Variants in CDH18 observed in about 807,000 individuals in gnomAD.
CDH18 encodes the protein cadherin-18.
CDH18 carries 31 observed loss-of-function variants against 67.9 expected under a neutral mutation model. That is an observed-to-expected ratio of 0.46 (90% CI 0.34 to 0.62). The LOEUF (loss-of-function observed/expected upper bound fraction) is 0.62, where lower values mean the gene tolerates loss of function less well. Among genes scored for constraint, CDH18 ranks in the 20% least tolerant of loss-of-function variants. CDH18 has a pLI of 0.01. For synonymous variants in CDH18, 362 were observed against 347.2 expected (o/e 1.04, Z -0.48); for missense variants, 890 against 975.5 (o/e 0.91, Z 1.17).
intron 1 of CDH18, among the ~76,000 whole-genome samples, chr5:20,301,828 T>C (rs527455389): frequency 1.0e-4 from 14 of 133,940 alleles, no homozygotes; most frequent in Admixed American, 8.8e-4. Context: ...ACATATAAAA[T>C]GTGATCTAGA....
At chr5:20,267,416 G>T (rs1160525089) in intron 1 of CDH18, among the ~76,000 whole-genome samples, 1 of 151,960 alleles carries the variant, frequency 6.6e-6, no homozygotes, top group Non-Finnish European at 1.5e-5. Context: ...GGCTATTTGG[G>T]CTAATTTTTT....
chr5:20,241,554 T>C (rs2974586), intron 2 of CDH18, among the ~76,000 whole-genome samples: 82,083 of 151,912 alleles, frequency 0.54, 22,256 homozygotes, highest in Middle Eastern at 0.66. Flanking sequence ...TATATATGTA[T>C]TAAGATATAG....
chr5:20,540,848 G>T (rs10520866), intron 1 of CDH18, among the ~76,000 whole-genome samples: 7,452 of 152,294 alleles, frequency 0.049, 253 homozygotes, highest in Middle Eastern at 0.13. Context: ...TAGGGCTGAA[G>T]ACCTTTGTCA....
chr5:19,860,838 A>G lies in CDH18; in HGVS notation c.-256-21596T>C, dbSNP rs1784817233. ...AATATTCTTCTGAACATCTTTTATT[A>G]TACTTAGCATACAATTTAAAAGAAG... On this transcript the variant is annotated intron_variant, in intron 2 of 12. Coordinates refer to ENST00000382275, the MANE Select transcript of CDH18 (RefSeq NM_004934.5). Among the ~76,000 whole-genome samples, 2 of 152,144 alleles carry G rather than the reference A, an allele frequency of 1.3e-5. 1 individual carries two copies. Among genetic ancestry groups the G allele is most frequent in the South Asian group, 4.1e-4 (2 of 4,828 alleles).
rs145472316 is a variant in CDH18, at chr5:20,056,388, T to G, written c.-517-64374A>C. Among the ~76,000 whole-genome samples, 521 of 149,376 alleles carry G rather than the reference T, an allele frequency of 3.5e-3. 2 individuals carry two copies. Among genetic ancestry groups the G allele is most frequent in the African/African-American group, 0.012 (496 of 40,942 alleles). On this transcript the variant is annotated intron_variant, in intron 2 of 14. Transcript: ENST00000507958. ...CAATCAGGAATGGACAAGCTGTTTT[T>G]TTTGTTTGTTTGTTTGTTTTTTAAT...
chr5:19,734,672 T>C (rs928582799), intron 4 of CDH18, among the ~76,000 whole-genome samples: 1 of 152,194 alleles, frequency 6.6e-6, no homozygotes, highest in Non-Finnish European at 1.5e-5. Flanking sequence ...CTTTAATGTT[T>C]AGGGCTATAC....
chr5:19,849,669 CGCATATATATATAA>C (rs1387206205), intron 2 of CDH18, among the ~76,000 whole-genome samples: 3 of 13,792 alleles, frequency 2.2e-4, no homozygotes, highest in Non-Finnish European at 1.0e-3. Context: ...TATATATACA[CGCATATATATATAA>C]ACATATATAT....
chr5:19,730,540 G>A (rs1057492648), intron 4 of CDH18, among the ~76,000 whole-genome samples: 6 of 152,082 alleles, frequency 3.9e-5, no homozygotes, highest in South Asian at 2.1e-4. Flanking sequence ...GTTTAAATAC[G>A]AAATTCATTT....
chr5:20,096,552 T>C (rs1428722772), intron 2 of CDH18, among the ~76,000 whole-genome samples: 1 of 152,132 alleles, frequency 6.6e-6, no homozygotes, highest in Non-Finnish European at 1.5e-5. Context: ...TGCATGGCTT[T>C]AAAAGATATG....
intron 1 of CDH18, among the ~76,000 whole-genome samples, chr5:20,479,734 T>C (rs1752666901): frequency 6.6e-6 from 1 of 152,110 alleles, no homozygotes; most frequent in Non-Finnish European, 1.5e-5. Context: ...TTCAGAGGAA[T>C]AGTAACAAAG....
intron 3 of CDH18, among the ~76,000 whole-genome samples, chr5:19,780,978 G>A (rs1246704216): frequency 6.6e-6 from 1 of 151,998 alleles, no homozygotes; most frequent in Non-Finnish European, 1.5e-5. Flanking sequence ...ATTAAATACA[G>A]CAAGTCAAAT....
chr5:20,367,065 C>A (rs1161425063), intron 1 of CDH18, among the ~76,000 whole-genome samples: 3 of 152,254 alleles, frequency 2.0e-5, no homozygotes, highest in African/African-American at 7.2e-5. Context: ...TAACCAGCTT[C>A]TAATACCTCT....
intron 1 of CDH18, among the ~76,000 whole-genome samples, chr5:20,448,171 T>C (rs987447362): frequency 1.3e-5 from 2 of 152,058 alleles, no homozygotes; most frequent in African/African-American, 2.4e-5. Flanking sequence ...GTCCTTGCGA[T>C]AGTTTGCTGA....
intron 2 of CDH18, among the ~76,000 whole-genome samples, chr5:20,156,870 G>A (rs1751573376): frequency 6.6e-6 from 1 of 152,142 alleles, no homozygotes; most frequent in Non-Finnish European, 1.5e-5. Flanking sequence ...GTAGAAAAAT[G>A]TGACTACAGA....
intron 11 of CDH18, among the ~76,000 whole-genome samples, chr5:19,496,410 T>G (rs1490424683): frequency 6.6e-6 from 1 of 152,190 alleles, no homozygotes; most frequent in African/African-American, 2.4e-5. Flanking sequence ...CCCAAATTCA[T>G]GTGTTGGAAT....
intron 1 of CDH18, among the ~76,000 whole-genome samples, chr5:20,368,413 T>G (rs2150080995): frequency 6.6e-6 from 1 of 152,186 alleles, no homozygotes; most frequent in African/African-American, 2.4e-5. Context: ...TAAATACACA[T>G]CTAAAGCTAA....
intron 3 of CDH18, among the ~76,000 whole-genome samples, chr5:19,820,755 TG>T: frequency 6.6e-6 from 1 of 152,226 alleles, no homozygotes; most frequent in African/African-American, 2.4e-5. Flanking sequence ...CACCCTGAAT[TG>T]TACCACCAAA....
intron 2 of CDH18, among the ~76,000 whole-genome samples, chr5:20,182,460 G>C (rs1296451535): frequency 6.6e-6 from 1 of 151,714 alleles, no homozygotes; most frequent in African/African-American, 2.4e-5. Context: ...AAATTGGCTG[G>C]GTATGGTGGT....
intron 2 of CDH18, among the ~76,000 whole-genome samples, chr5:20,240,221 T>A (rs1742792490): frequency 6.6e-6 from 1 of 151,972 alleles, no homozygotes; most frequent in Non-Finnish European, 1.5e-5. Context: ...ATAGTGGATA[T>A]CCAAGTTTAG....
Sources: allele counts gnomAD v4.1 joint callset (sites outside exome capture counted in the v4.1 genomes callset), GRCh38; gene constraint gnomAD v4.1.1; transcripts MANE v1.5; gene names NCBI Gene and HGNC (gene_info 2026-07-23, HGNC 2026-07-21).